CSMD3: variants seen among roughly 807,000 people sequenced by gnomAD.
The protein encoded by CSMD3 is CUB and Sushi multiple domains 3.
In CSMD3, 177 loss-of-function variants were observed where a neutral mutation model predicts 435.2. The observed-to-expected ratio is 0.41, with a 90% CI of 0.36 to 0.46. The LOEUF (loss-of-function observed/expected upper bound fraction) is 0.46. Among genes scored for constraint, CSMD3 ranks in the 20% least tolerant of loss-of-function variants. CSMD3 has a pLI of 0.34. For synonymous variants in CSMD3, 1,656 were observed against 1,520.5 expected (o/e 1.09, Z -2.07); for missense variants, 4,265 against 4,504.6 (o/e 0.95, Z 1.52).
At chr8:112,729,392 A>T (rs1587102082) in intron 13 of CSMD3, among the ~76,000 whole-genome samples, 1 of 152,090 alleles carries the variant, frequency 6.6e-6, no homozygotes. Context: ...AAACACGATT[A>T]TCAGCTGATT....
chr8:113,263,450 T>C (rs1434282180), intron 3 of CSMD3, among the ~76,000 whole-genome samples: 1 of 151,974 alleles, frequency 6.6e-6, no homozygotes, highest in Admixed American at 6.6e-5. Context: ...GAAAACATCA[T>C]ATCCTTCAAA....
intron 24 of CSMD3, among the ~76,000 whole-genome samples, chr8:112,559,561 T>C (rs887223081): frequency 2.0e-5 from 3 of 151,776 alleles, no homozygotes; most frequent in Non-Finnish European, 1.5e-5. Context: ...TCATCATCAT[T>C]ATATTACTTA....
chr8:113,243,477 AAT>A (rs1457488786), intron 3 of CSMD3, among the ~76,000 whole-genome samples: 1 of 151,960 alleles, frequency 6.6e-6, no homozygotes, highest in Non-Finnish European at 1.5e-5. Flanking sequence ...GCATTATATA[AAT>A]ATGTCAATTT....
chr8:112,708,522 T>C, intron 13 of CSMD3, among the ~76,000 whole-genome samples: 1 of 151,934 alleles, frequency 6.6e-6, no homozygotes, highest in East Asian at 1.9e-4. Flanking sequence ...CAAAACATGG[T>C]AACAGACAGG....
chr8:112,228,898 A>T lies in CSMD3; in HGVS notation c.10829-7T>A. 1 of 1,386,486 alleles carries T rather than the reference A, an allele frequency of 7.2e-7. No individual in the cohort carries two copies. The highest frequency in any genetic ancestry group is 1.0e-6 in the Non-Finnish European group (1 of 979,390). 85.9% of individuals were successfully genotyped at this position (1,386,486 alleles called of 1,614,324 possible). A position where few individuals can be genotyped will look rare whatever the true frequency, so the allele number is the denominator to read the frequency against. ...CCTTCTGACATATTCAGTCCTACAA[A>T]ATAAAAAATAAATTATAAATACACA... On this transcript the variant is annotated splice_polypyrimidine_tract_variant and splice_region_variant and intron_variant, in intron 69 of 70. Coordinates refer to ENST00000297405, the MANE Select transcript of CSMD3 (RefSeq NM_198123.2).
chr8:113,305,037 A>G (rs1383104703), intron 2 of CSMD3, among the ~76,000 whole-genome samples: 4 of 150,990 alleles, frequency 2.6e-5, no homozygotes, highest in Admixed American at 6.6e-5. Flanking sequence ...CATTCTCAGT[A>G]AACTATCGCA....
chr8:112,794,689 G>C (rs2078781597), intron 13 of CSMD3, among the ~76,000 whole-genome samples: 1 of 152,022 alleles, frequency 6.6e-6, no homozygotes, highest in Non-Finnish European at 1.5e-5. Context: ...TCAGAGTCTA[G>C]AATAGTTCAG....
At chr8:112,771,682 C>CA (rs899193073) in intron 13 of CSMD3, among the ~76,000 whole-genome samples, 81 of 151,934 alleles carry the variant, frequency 5.3e-4, no homozygotes, top group African/African-American at 1.9e-3. Context: ...AGAACCACAA[C>CA]AAAAAAATAA....
In CSMD3 at chr8:113,353,791, G is replaced by A. The variant is rs990427241; in HGVS notation, c.179-38998C>T. ...TCATGTAAGGTTAGCTCTATAAATAGTATTTTGTGATTTTGAATTTTATGC... is the reference window on the plus strand; with the variant it reads ...TCATGTAAGGTTAGCTCTATAAATAATATTTTGTGATTTTGAATTTTATGC... On this transcript the variant is annotated intron_variant, in intron 1 of 70. Transcript: ENST00000297405. 2.6e-5 allele frequency among the ~76,000 whole-genome samples: 4 copies of A among 151,946 alleles called. No individual in the cohort carries two copies. The South Asian group carries it at 6.2e-4, about 24-fold the overall frequency.
chr8:112,968,238 AGC>A (rs1284303807), intron 7 of CSMD3, among the ~76,000 whole-genome samples: 1 of 151,956 alleles, frequency 6.6e-6, no homozygotes, highest in Non-Finnish European at 1.5e-5. Flanking sequence ...AGTACATGTC[AGC>A]TCAACACCAG....
chr8:113,339,639 AT>A (rs896464168), intron 1 of CSMD3, among the ~76,000 whole-genome samples: 128 of 151,910 alleles, frequency 8.4e-4, no homozygotes, highest in Admixed American at 2.8e-3. Flanking sequence ...ATTGGGTCCA[AT>A]TTTTTCATTG....
In CSMD3 at chr8:112,267,369, C is replaced by T. The variant is rs533693600; in HGVS notation, c.9509-1779G>A. Among the ~76,000 whole-genome samples, 38 of 151,840 alleles carry T rather than the reference C, an allele frequency of 2.5e-4. No homozygotes were observed. The South Asian group carries it at 5.2e-3, about 21-fold the overall frequency. On this transcript the variant is annotated intron_variant, in intron 59 of 70. Transcript: ENST00000297405. ...TTTATATTCAGGACTGCTTTCCTTCCTATGATTATTGGGGAGTAAAAAGAT... is the reference window on the plus strand; with the variant it reads ...TTTATATTCAGGACTGCTTTCCTTCTTATGATTATTGGGGAGTAAAAAGAT...
chr8:112,582,468 G>A (rs185625274), intron 23 of CSMD3, among the ~76,000 whole-genome samples: 1 of 152,062 alleles, frequency 6.6e-6, no homozygotes, highest in Admixed American at 6.6e-5. Flanking sequence ...ACTGCAGGGA[G>A]GCCATTATGC....
At chr8:113,326,797 G>A (rs1002615838) in intron 1 of CSMD3, among the ~76,000 whole-genome samples, 16 of 151,850 alleles carry the variant, frequency 1.1e-4, no homozygotes, top group Non-Finnish European at 4.4e-5. Context: ...ATTTTATAAA[G>A]TTTATAACCC....
intron 54 of CSMD3, among the ~76,000 whole-genome samples, chr8:112,294,929 A>T (rs1271057880): frequency 2.0e-5 from 3 of 152,014 alleles, no homozygotes; most frequent in Non-Finnish European, 4.4e-5. Context: ...ATAGTTTTTG[A>T]GGAACGGGTG....
intron 12 of CSMD3, among the ~76,000 whole-genome samples, chr8:112,811,751 T>C (rs1400676629): frequency 6.6e-6 from 1 of 152,228 alleles, no homozygotes; most frequent in Non-Finnish European, 1.5e-5. Context: ...GTTTCATTTC[T>C]TTTTACATTT....
intron 45 of CSMD3, among the ~76,000 whole-genome samples, chr8:112,334,062 T>TA (rs1398710903): frequency 1.3e-5 from 2 of 151,842 alleles, no homozygotes; most frequent in South Asian, 2.1e-4. Flanking sequence ...ATTATTTTTT[T>TA]AAAAAAAACA....
intron 27 of CSMD3, among the ~76,000 whole-genome samples, chr8:112,529,794 A>C (rs555778071): frequency 8.5e-5 from 13 of 152,268 alleles, no homozygotes; most frequent in Non-Finnish European, 1.3e-4. Context: ...AAGAATCAGA[A>C]AAAAATAATT....
chr8:112,553,815 G>A (rs1349255222), intron 25 of CSMD3, among the ~76,000 whole-genome samples: 1 of 151,940 alleles, frequency 6.6e-6, no homozygotes, highest in African/African-American at 2.4e-5. Flanking sequence ...CAAATTTGTA[G>A]GCTGCATATA....
Sources: gnomAD v4.1 joint callset for allele counts (sites outside exome capture counted in the v4.1 genomes callset) on GRCh38, gnomAD v4.1.1 for gene constraint, MANE v1.5 for transcripts, NCBI Gene and HGNC (gene_info 2026-07-23, HGNC 2026-07-21) for gene names.